Variants in GPC6 observed in about 807,000 individuals in gnomAD.
GPC6 encodes the protein glypican-6.
Under a neutral mutation model 55.2 loss-of-function variants are expected in GPC6, and 14 were observed. The ratio of observed to expected loss-of-function variants is 0.25; its 90% CI spans 0.17 to 0.40. GPC6 has a LOEUF of 0.40. Among genes scored for constraint, GPC6 ranks in the 10% least tolerant of loss-of-function variants. The pLI is 1.00. For missense variants in GPC6, 641 were observed against 708.5 expected (o/e 0.90, Z 1.08); for synonymous variants, 278 against 259.6 (o/e 1.07, Z -0.68).
At chr13:93,743,125 A>G (rs924393872) in intron 2 of GPC6, among the ~76,000 whole-genome samples, 2 of 152,208 alleles carry the variant, frequency 1.3e-5, no homozygotes, top group Non-Finnish European at 2.9e-5. Flanking sequence ...AGAGTCTATC[A>G]TGAGCAACAG....
chr13:93,777,881 T>C (rs1702802094), intron 2 of GPC6, among the ~76,000 whole-genome samples: 1 of 152,184 alleles, frequency 6.6e-6, no homozygotes, highest in South Asian at 2.1e-4. Context: ...TGTTGCCATA[T>C]TAAAAGCTAC....
At chr13:94,262,340 A>G (rs1891678749) in intron 4 of GPC6, among the ~76,000 whole-genome samples, 1 of 152,114 alleles carries the variant, frequency 6.6e-6, no homozygotes, top group Admixed American at 6.5e-5. Context: ...GGGAATTTTT[A>G]AAGTCTCTAA....
chr13:93,364,650 G>A (rs1038072469), intron 1 of GPC6, among the ~76,000 whole-genome samples: 1 of 150,938 alleles, frequency 6.6e-6, no homozygotes, highest in African/African-American at 2.4e-5. Context: ...AGTTCTCCTT[G>A]TAGTGGGGTC....
At chr13:94,127,770 G>A (rs937793457) in intron 4 of GPC6, among the ~76,000 whole-genome samples, 2 of 152,162 alleles carry the variant, frequency 1.3e-5, no homozygotes. Flanking sequence ...GGATGAGGTT[G>A]CCACAGGTGA....
chr13:93,484,317 G>A (rs1220251841), intron 1 of GPC6, among the ~76,000 whole-genome samples: 1 of 152,026 alleles, frequency 6.6e-6, no homozygotes, highest in African/African-American at 2.4e-5. Context: ...ATAATTAATT[G>A]TTGTGAAACA....
intron 7 of GPC6, among the ~76,000 whole-genome samples, chr13:94,385,305 T>G (rs1880354658): frequency 6.6e-6 from 1 of 151,570 alleles, no homozygotes. Context: ...GTGAGCCCAG[T>G]GAACCTGGAA....
intron 2 of GPC6, among the ~76,000 whole-genome samples, chr13:93,762,773 A>G (rs1277070000): frequency 2.6e-5 from 4 of 152,226 alleles, no homozygotes; most frequent in African/African-American, 7.2e-5. Context: ...TGGTATACAG[A>G]TAAAATACAG....
At chr13:94,275,634 A>C (rs899133039) in intron 4 of GPC6, among the ~76,000 whole-genome samples, 1 of 152,170 alleles carries the variant, frequency 6.6e-6, no homozygotes, top group African/African-American at 2.4e-5. Context: ...CCATGAATGA[A>C]GAGAAAAGAT....
At chr13:93,364,880 T>C (rs1881184320) in intron 1 of GPC6, among the ~76,000 whole-genome samples, 1 of 152,008 alleles carries the variant, frequency 6.6e-6, no homozygotes, top group Non-Finnish European at 1.5e-5. Context: ...TATTATTGCA[T>C]ACATTACACC....
chr13:94,138,761 A>G (rs774864090), intron 4 of GPC6, among the ~76,000 whole-genome samples: 2 of 152,200 alleles, frequency 1.3e-5, no homozygotes, highest in African/African-American at 2.4e-5. Context: ...TAGCACAGCC[A>G]GACACCAGCC....
At position 94,282,377 on chromosome 13, in the gene GPC6, A is replaced by G. The variant is rs141745111; in HGVS notation, c.878-3972A>G. ...GGGAGGAAAAGCCCCTTATAAAACC[A>G]TCAGATCTCATGAGAACTCACTCAC... is the stretch of plus-strand genomic sequence containing the variant. On this transcript the variant is annotated intron_variant, in intron 4 of 8. Transcript: ENST00000377047. Among the ~76,000 whole-genome samples the G allele has an allele frequency of 8.7e-3, 1,328 of 152,298 alleles. 13 individuals carry two copies. Among genetic ancestry groups the G allele is most frequent in the Non-Finnish European group, 9.5e-3 (647 of 68,034 alleles).
intron 8 of GPC6, among the ~76,000 whole-genome samples, chr13:94,400,505 T>A (rs1284207825): frequency 5.3e-5 from 8 of 152,178 alleles, no homozygotes; most frequent in Admixed American, 5.2e-4. Flanking sequence ...TTCCCCCTTG[T>A]AAAGGCCACT....
intron 1 of GPC6, among the ~76,000 whole-genome samples, chr13:93,401,689 C>CTT (rs4001853): frequency 9.3e-5 from 6 of 64,462 alleles, no homozygotes; most frequent in African/African-American, 3.2e-4. Context: ...CATGAATGGA[C>CTT]TTTTTTTTTT....
At chr13:93,849,237 A>G (rs1888310797) in intron 3 of GPC6, among the ~76,000 whole-genome samples, 1 of 152,040 alleles carries the variant, frequency 6.6e-6, no homozygotes. Context: ...GAAGGAGAGT[A>G]ATATTCATAT....
At chr13:94,097,776 C>T (rs2138821082) in intron 4 of GPC6, among the ~76,000 whole-genome samples, 1 of 152,162 alleles carries the variant, frequency 6.6e-6, no homozygotes, top group South Asian at 2.1e-4. Context: ...ATCAGTTATC[C>T]TTTCCCCCAG....
intron 2 of GPC6, among the ~76,000 whole-genome samples, chr13:93,636,660 T>C (rs1440107412): frequency 6.6e-6 from 1 of 152,134 alleles, no homozygotes; most frequent in Non-Finnish European, 1.5e-5. Context: ...ATTTCACAAA[T>C]AAGATCACCT....
chr13:93,263,639 A>G (rs1877226797), intron 1 of GPC6, among the ~76,000 whole-genome samples: 1 of 152,182 alleles, frequency 6.6e-6, no homozygotes, highest in Admixed American at 6.5e-5. Flanking sequence ...TGCTGGGATT[A>G]CAGGCATGAG....
chr13:93,443,695 A>G (rs1435400395), intron 1 of GPC6, among the ~76,000 whole-genome samples: 1 of 152,220 alleles, frequency 6.6e-6, no homozygotes, highest in African/African-American at 2.4e-5. Flanking sequence ...GATTTCACAA[A>G]TAATTGGTGT....
chr13:93,503,387 G>A (rs777295137), intron 1 of GPC6, among the ~76,000 whole-genome samples: 1 of 152,194 alleles, frequency 6.6e-6, no homozygotes, highest in Non-Finnish European at 1.5e-5. Flanking sequence ...AATATTTTAA[G>A]CATTGCTAGC....
Sources: gnomAD v4.1 joint callset for allele counts (sites outside exome capture counted in the v4.1 genomes callset) on GRCh38, gnomAD v4.1.1 for gene constraint, MANE v1.5 for transcripts, NCBI Gene and HGNC (gene_info 2026-07-23, HGNC 2026-07-21) for gene names.